The following GPHN variants were observed in gnomAD, a reference collection of about 807,000 sequenced individuals.
GPHN encodes the protein gephyrin.
A neutral mutation model predicts 95.5 loss-of-function variants in GPHN; 17 were observed. The observed-to-expected ratio is 0.18, with a 90% CI of 0.12 to 0.27. The LOEUF is 0.27. GPHN is among the 10% of genes least tolerant of loss of function. The pLI is 1.00. For synonymous variants in GPHN, 320 were observed against 322.5 expected (o/e 0.99, Z 0.08); for missense variants, 660 against 978.1 (o/e 0.67, Z 4.34).
the GPHN span, among the ~76,000 whole-genome samples, chr14:67,189,165 C>T: frequency 6.6e-6 from 1 of 151,992 alleles, no homozygotes; most frequent in East Asian, 1.9e-4. Context: ...GATATTTTTC[C>T]CGTGGTTATA....
chr14:67,595,580 C>T, the GPHN span, among the ~76,000 whole-genome samples: 2 of 152,200 alleles, frequency 1.3e-5, no homozygotes, highest in Non-Finnish European at 1.5e-5. Flanking sequence ...TGGCATGTGA[C>T]ACAACTCTGG....
chr14:67,530,506 A>G, the GPHN span, among the ~76,000 whole-genome samples: 138,654 of 152,224 alleles, frequency 0.91, 63,439 homozygotes, highest in Non-Finnish European at 0.96. Flanking sequence ...TAAACCATGT[A>G]GTGTGTGTAT....
chr14:67,396,566 A>C, the GPHN span, among the ~76,000 whole-genome samples: 1 of 152,132 alleles, frequency 6.6e-6, no homozygotes, highest in Non-Finnish European at 1.5e-5. Context: ...CCCTTTGACC[A>C]CACTGGAGGC....
At chr14:67,666,058 A>C in the GPHN span, among the ~76,000 whole-genome samples, 5 of 152,220 alleles carry the variant, frequency 3.3e-5, no homozygotes, top group Admixed American at 6.5e-5. Flanking sequence ...AAGCTGTCCC[A>C]AAAGTGCTGA....
At chr14:67,154,993 A>C (rs1023492748) in intron 18 of GPHN, among the ~76,000 whole-genome samples, 1 of 152,158 alleles carries the variant, frequency 6.6e-6, no homozygotes, top group African/African-American at 2.4e-5. Context: ...AGCATTTACT[A>C]ATTCCTAAGC....
At chr14:67,579,829 G>C in the GPHN span, 6 of 1,608,162 alleles carry the variant, frequency 3.7e-6, no homozygotes, top group Non-Finnish European at 4.2e-6. Context: ...CTTCACGGAC[G>C]ATCCCTCGGG....
the GPHN span, chr14:67,271,429 A>G: frequency 6.6e-6 from 1 of 152,206 alleles, no homozygotes; most frequent in East Asian, 1.9e-4. Context: ...GGATTCAGAG[A>G]TGGGTCAGCC....
intron 1 of GPHN, among the ~76,000 whole-genome samples, chr14:66,623,879 G>T (rs1475024273): frequency 6.6e-6 from 1 of 152,156 alleles, no homozygotes; most frequent in Non-Finnish European, 1.5e-5. Flanking sequence ...AAGGGCTGAA[G>T]ATGAAGGGGA....
the GPHN span, among the ~76,000 whole-genome samples, chr14:67,255,622 A>G: frequency 6.6e-6 from 1 of 152,184 alleles, no homozygotes; most frequent in African/African-American, 2.4e-5. Context: ...GAGAGATAAC[A>G]CTTCGATTAC....
chr14:66,841,742 A>C (rs1235030554), intron 4 of GPHN, among the ~76,000 whole-genome samples: 5 of 152,156 alleles, frequency 3.3e-5, no homozygotes, highest in African/African-American at 1.2e-4. Flanking sequence ...AATTGCAATT[A>C]GATATTAAGT....
At chr14:67,478,853 A>T in the GPHN span, among the ~76,000 whole-genome samples, 1 of 152,194 alleles carries the variant, frequency 6.6e-6, no homozygotes, top group Non-Finnish European at 1.5e-5. Context: ...CACTGGATTC[A>T]TCTGAACGCC....
At chr14:66,863,810 A>T (rs1009593087) in intron 4 of GPHN, among the ~76,000 whole-genome samples, 19 of 152,196 alleles carry the variant, frequency 1.2e-4, no homozygotes, top group Non-Finnish European at 2.6e-4. Context: ...CCATACAAAA[A>T]TCAAATCACA....
chr14:67,279,341 G>A, the GPHN span: 8 of 1,613,908 alleles, frequency 5.0e-6, no homozygotes, highest in Non-Finnish European at 6.8e-6. Context: ...CACAGTTGGA[G>A]CGTATTCGGC....
At chr14:67,338,496 G>A in the GPHN span, 1 of 1,040,734 alleles carries the variant, frequency 9.6e-7, no homozygotes, top group East Asian at 2.5e-5. Context: ...TAGACATCTA[G>A]GTAAATTTTA....
chr14:67,138,180 C>T (rs1048453529), intron 17 of GPHN, among the ~76,000 whole-genome samples: 7 of 152,112 alleles, frequency 4.6e-5, no homozygotes, highest in African/African-American at 1.7e-4. Flanking sequence ...CTAATACTAC[C>T]TATGTGAACC....
At chr14:66,743,317 A>G (rs1213959942) in intron 2 of GPHN, among the ~76,000 whole-genome samples, 1 of 152,062 alleles carries the variant, frequency 6.6e-6, no homozygotes, top group Non-Finnish European at 1.5e-5. Context: ...CTTAGAGAAA[A>G]TTAATTACTT....
Position 66,833,478 on chromosome 14 carries a change from C to T in GPHN, c.294+8912C>T, listed in dbSNP as rs533465327. Among the ~76,000 whole-genome samples, 72 of 152,166 alleles carry T rather than the reference C, an allele frequency of 4.7e-4. 1 individual carries two copies. The South Asian group carries it at 0.014, about 29-fold the overall frequency. ...GGACACAGCCAAACCATATCACTGC[C>T]GTTATTCAGAGATTCCTTGGAAACG... On this transcript the variant is annotated intron_variant, in intron 4 of 22. Transcript: ENST00000478722.
chr14:67,651,184 TA>T, the GPHN span: 1 of 1,040,812 alleles, frequency 9.6e-7, no homozygotes, highest in Non-Finnish European at 1.4e-6. Context: ...ATTACCTTGG[TA>T]TATCATACTG....
At chr14:67,382,718 A>G in the GPHN span, 5 of 1,086,950 alleles carry the variant, frequency 4.6e-6, no homozygotes, top group Admixed American at 3.6e-5. Flanking sequence ...TTTGATCACT[A>G]ATGGTGTTAG....
Sources: allele counts gnomAD v4.1 joint callset (sites outside exome capture counted in the v4.1 genomes callset), GRCh38; gene constraint gnomAD v4.1.1; transcripts MANE v1.5; gene names NCBI Gene and HGNC (gene_info 2026-07-23, HGNC 2026-07-21).